Variants in NXPE2 observed in about 807,000 individuals in gnomAD.
NXPE2 encodes the protein neurexophilin and PC-esterase domain family member 2.
NXPE2 carries 34 observed loss-of-function variants against 34.4 expected under a neutral mutation model. That is an observed-to-expected ratio of 0.99 (90% CI 0.75 to 1.31). The LOEUF (loss-of-function observed/expected upper bound fraction) is 1.31. NXPE2 is among the 40% of genes most tolerant of loss of function. The pLI is 0.00. For synonymous variants in NXPE2, 235 were observed against 231.3 expected (o/e 1.02, Z -0.15); for missense variants, 649 against 672.5 (o/e 0.97, Z 0.39).
At chr11:114,694,586 C>G (rs1951213108) in intron 2 of NXPE2, among the ~76,000 whole-genome samples, 1 of 151,972 alleles carries the variant, frequency 6.6e-6, no homozygotes, top group Non-Finnish European at 1.5e-5. Flanking sequence ...GTATTTATGC[C>G]TATTGTGTTT....
chr11:114,490,710 A>G, the NXPE2 span, among the ~76,000 whole-genome samples: 1 of 152,248 alleles, frequency 6.6e-6, no homozygotes, highest in African/African-American at 2.4e-5. Flanking sequence ...TTCAAGATGG[A>G]TTAAAGACTT....
the NXPE2 span, among the ~76,000 whole-genome samples, chr11:114,578,247 T>C: frequency 6.6e-6 from 1 of 152,206 alleles, no homozygotes; most frequent in African/African-American, 2.4e-5. Context: ...AGAGTTATTT[T>C]CTTCACTCTG....
chr11:114,627,805 A>G, the NXPE2 span, among the ~76,000 whole-genome samples: 1 of 151,980 alleles, frequency 6.6e-6, no homozygotes, highest in Non-Finnish European at 1.5e-5. Context: ...CATGGGCTCA[A>G]AATAAAAGGA....
At chr11:114,661,064 G>T in the NXPE2 span, among the ~76,000 whole-genome samples, 11 of 152,028 alleles carry the variant, frequency 7.2e-5, no homozygotes, top group African/African-American at 2.7e-4. Context: ...AAATACACAA[G>T]ATCTATATAC....
chr11:114,661,491 T>C, the NXPE2 span, among the ~76,000 whole-genome samples: 129,570 of 152,156 alleles, frequency 0.85, 56,171 homozygotes, highest in Non-Finnish European at 0.92. Flanking sequence ...TTTGTCTGCA[T>C]TGTCATCATA....
At chr11:114,472,894 G>T in the NXPE2 span, among the ~76,000 whole-genome samples, 5 of 152,156 alleles carry the variant, frequency 3.3e-5, no homozygotes, top group African/African-American at 1.2e-4. Context: ...AGGTGGGGGG[G>T]TTGTTTTGTT....
chr11:114,540,393 GA>G, the NXPE2 span, among the ~76,000 whole-genome samples: 5 of 152,108 alleles, frequency 3.3e-5, no homozygotes, highest in Non-Finnish European at 7.4e-5. Context: ...AATTTTGAAT[GA>G]AAAAATTAAG....
At chr11:114,625,898 C>G in the NXPE2 span, among the ~76,000 whole-genome samples, 2 of 152,110 alleles carry the variant, frequency 1.3e-5, no homozygotes, top group Non-Finnish European at 2.9e-5. Flanking sequence ...CTTTCCTAGT[C>G]AAAGAAAGGG....
chr11:114,689,500 C>A (rs1244938950), intron 2 of NXPE2, among the ~76,000 whole-genome samples: 1 of 151,892 alleles, frequency 6.6e-6, no homozygotes, highest in Non-Finnish European at 1.5e-5. Flanking sequence ...GCTTTATAAC[C>A]AAGCATGGGG....
the NXPE2 span, among the ~76,000 whole-genome samples, chr11:114,751,757 C>G: frequency 7.2e-5 from 11 of 152,096 alleles, no homozygotes; most frequent in Non-Finnish European, 1.5e-4. Context: ...AATCAGTGAC[C>G]AAATCTTGGT....
At chr11:114,693,291 A>G (rs1334220833) in intron 2 of NXPE2, among the ~76,000 whole-genome samples, 1 of 152,198 alleles carries the variant, frequency 6.6e-6, no homozygotes. Context: ...TGGACACCTC[A>G]GAGAATGAGA....
the NXPE2 span, among the ~76,000 whole-genome samples, chr11:114,732,799 G>A: frequency 6.6e-6 from 1 of 151,938 alleles, no homozygotes; most frequent in Admixed American, 6.6e-5. Context: ...CCTTTGCACT[G>A]CATTCTGAGA....
At chr11:114,546,100 T>G in the NXPE2 span, among the ~76,000 whole-genome samples, 1 of 152,232 alleles carries the variant, frequency 6.6e-6, no homozygotes, top group Non-Finnish European at 1.5e-5. Context: ...TACAAATGTA[T>G]GACATAACCT....
the NXPE2 span, among the ~76,000 whole-genome samples, chr11:114,565,500 G>A: frequency 6.6e-6 from 1 of 152,186 alleles, no homozygotes; most frequent in African/African-American, 2.4e-5. Context: ...AGAACCTAGA[G>A]TTTACTGTGA....
the NXPE2 span, among the ~76,000 whole-genome samples, chr11:114,601,281 C>A: frequency 6.7e-6 from 1 of 149,970 alleles, no homozygotes. Context: ...ATCCATTATA[C>A]CACTCTGTAT....
the NXPE2 span, among the ~76,000 whole-genome samples, chr11:114,520,341 TC>T: frequency 6.6e-6 from 1 of 152,188 alleles, no homozygotes; most frequent in Non-Finnish European, 1.5e-5. Flanking sequence ...ATAAGTGAGA[TC>T]AAGCAATATT....
intron 2 of NXPE2, among the ~76,000 whole-genome samples, chr11:114,689,610 A>G (rs1951113045): frequency 6.6e-6 from 1 of 152,050 alleles, no homozygotes; most frequent in African/African-American, 2.4e-5. Context: ...TAATCAGTCA[A>G]GCATCAAATT....
At chr11:114,661,286 A>T in the NXPE2 span, among the ~76,000 whole-genome samples, 1 of 152,192 alleles carries the variant, frequency 6.6e-6, no homozygotes. Flanking sequence ...AGGGAAATAG[A>T]ATAATCAATC....
At chr11:114,716,133 C>A in the NXPE2 span, among the ~76,000 whole-genome samples, 1 of 152,172 alleles carries the variant, frequency 6.6e-6, no homozygotes, top group African/African-American at 2.4e-5. Flanking sequence ...CCATGTACCC[C>A]CTCGGTTTTC....
Sources: allele counts gnomAD v4.1 joint callset (sites outside exome capture counted in the v4.1 genomes callset), GRCh38; gene constraint gnomAD v4.1.1; transcripts MANE v1.5; gene names NCBI Gene and HGNC (gene_info 2026-07-23, HGNC 2026-07-21).